The following SLC9A9 variants were observed in gnomAD, a reference collection of about 807,000 sequenced individuals.
SLC9A9 encodes solute carrier family 9 member A9.
A neutral mutation model predicts 77.8 loss-of-function variants in SLC9A9; 62 were observed. The observed-to-expected ratio is 0.80, with a 90% CI of 0.65 to 0.98. The LOEUF (loss-of-function observed/expected upper bound fraction) is 0.98, where lower values mean the gene tolerates loss of function less well. SLC9A9 is among the 50% of genes least tolerant of loss of function. SLC9A9 has a pLI of 0.00. For missense variants in SLC9A9, 775 were observed against 774.9 expected (o/e 1.00, Z 0.00); for synonymous variants, 320 against 283.5 (o/e 1.13, Z -1.29).
At chr3:143,775,447 T>A (rs188001050) in intron 4 of SLC9A9, among the ~76,000 whole-genome samples, 45 of 152,344 alleles carry the variant, frequency 3.0e-4, no homozygotes, top group Admixed American at 2.9e-3. Flanking sequence ...TCATGTACTT[T>A]CCCTTAGATT....
intron 14 of SLC9A9, among the ~76,000 whole-genome samples, chr3:143,312,271 G>A (rs1219156373): frequency 1.3e-5 from 2 of 152,314 alleles, no homozygotes; most frequent in East Asian, 3.9e-4. Flanking sequence ...AAACTTTGGT[G>A]GAAAAACAAG....
intron 14 of SLC9A9, among the ~76,000 whole-genome samples, chr3:143,281,125 G>A (rs1938205231): frequency 6.6e-6 from 1 of 152,176 alleles, no homozygotes; most frequent in Admixed American, 6.5e-5. Context: ...CTGAAACACA[G>A]GAAGCCAGCA....
chr3:143,617,212 G>A (rs1393362892), intron 6 of SLC9A9, among the ~76,000 whole-genome samples: 1 of 152,166 alleles, frequency 6.6e-6, no homozygotes, highest in East Asian at 1.9e-4. Context: ...CTTTGATTAG[G>A]CAAGAGTCAG....
At chr3:143,520,722 G>T (rs2036282261) in intron 9 of SLC9A9, among the ~76,000 whole-genome samples, 1 of 152,066 alleles carries the variant, frequency 6.6e-6, no homozygotes, top group Non-Finnish European at 1.5e-5. Flanking sequence ...ATGGATCAGG[G>T]ATCTGAACCC....
intron 7 of SLC9A9, among the ~76,000 whole-genome samples, chr3:143,576,256 A>ACCTT (rs1420830672): frequency 6.6e-6 from 1 of 152,244 alleles, no homozygotes; most frequent in African/African-American, 2.4e-5. Context: ...TTGGGATAGT[A>ACCTT]ACAGTATCTA....
intron 12 of SLC9A9, among the ~76,000 whole-genome samples, chr3:143,453,817 GT>G (rs749899235): frequency 5.9e-5 from 9 of 152,126 alleles, no homozygotes; most frequent in Non-Finnish European, 1.2e-4. Flanking sequence ...TGGTTTGAAT[GT>G]TTTTTGTCCC....
At chr3:143,415,849 T>C (rs2034182824) in intron 12 of SLC9A9, among the ~76,000 whole-genome samples, 1 of 152,224 alleles carries the variant, frequency 6.6e-6, no homozygotes, top group Non-Finnish European at 1.5e-5. Flanking sequence ...CCTCTATCTC[T>C]ATCTGGGCAA....
At chr3:143,697,185 T>C (rs1194230221) in intron 4 of SLC9A9, among the ~76,000 whole-genome samples, 1 of 151,682 alleles carries the variant, frequency 6.6e-6, no homozygotes, top group Non-Finnish European at 1.5e-5. Flanking sequence ...AAGTGATATA[T>C]AAAATAAAGT....
At chr3:143,329,721 T>C (rs2031708163) in intron 14 of SLC9A9, among the ~76,000 whole-genome samples, 1 of 152,152 alleles carries the variant, frequency 6.6e-6, no homozygotes, top group East Asian at 1.9e-4. Flanking sequence ...TTCCTCCTTT[T>C]GGAGGCTGCT....
intron 12 of SLC9A9, among the ~76,000 whole-genome samples, chr3:143,438,843 C>T (rs560326806): frequency 6.6e-6 from 1 of 152,266 alleles, no homozygotes; most frequent in Admixed American, 6.5e-5. Flanking sequence ...AGCCACACCC[C>T]ACCAACTCCA....
At chr3:143,519,791 GA>G (rs1198732739) in intron 9 of SLC9A9, among the ~76,000 whole-genome samples, 2 of 152,116 alleles carry the variant, frequency 1.3e-5, no homozygotes, top group Non-Finnish European at 2.9e-5. Flanking sequence ...AGGATTTTTT[GA>G]AGGACCAAAG....
intron 6 of SLC9A9, among the ~76,000 whole-genome samples, chr3:143,592,061 C>T (rs981580901): frequency 1.3e-5 from 2 of 152,190 alleles, no homozygotes; most frequent in Non-Finnish European, 2.9e-5. Context: ...CTTTCATCAC[C>T]TTCTCTATGT....
intron 5 of SLC9A9, among the ~76,000 whole-genome samples, chr3:143,656,292 G>T (rs774790198): frequency 3.3e-5 from 5 of 152,050 alleles, no homozygotes; most frequent in Non-Finnish European, 5.9e-5. Context: ...CATACCAAGG[G>T]TCTTTTCCCC....
chr3:143,743,098 C>T (rs2108818054), intron 4 of SLC9A9, among the ~76,000 whole-genome samples: 1 of 151,998 alleles, frequency 6.6e-6, no homozygotes, highest in East Asian at 1.9e-4. Context: ...TTCCAGAACC[C>T]ATGACCCAGG....
At chr3:143,789,292 C>T (rs151165270) in intron 4 of SLC9A9, among the ~76,000 whole-genome samples, 46 of 152,302 alleles carry the variant, frequency 3.0e-4, no homozygotes, top group Non-Finnish European at 4.0e-4. Context: ...TTCTCACCGT[C>T]CTGACTTTCT....
chr3:143,394,585 T>C (rs1297915832), intron 12 of SLC9A9, among the ~76,000 whole-genome samples: 1 of 152,102 alleles, frequency 6.6e-6, no homozygotes, highest in Non-Finnish European at 1.5e-5. Flanking sequence ...TCAACACAGG[T>C]TGGAAGTTCT....
intron 13 of SLC9A9, among the ~76,000 whole-genome samples, chr3:143,374,196 T>C (rs1472722126): frequency 1.3e-5 from 2 of 151,326 alleles, no homozygotes; most frequent in African/African-American, 2.4e-5. Context: ...GAGGCCGAGG[T>C]GGGCGGATCA....
At chr3:143,790,076 GT>G (rs2008172443) in intron 4 of SLC9A9, among the ~76,000 whole-genome samples, 1 of 152,040 alleles carries the variant, frequency 6.6e-6, no homozygotes, top group African/African-American at 2.4e-5. Flanking sequence ...ACCCCATGCT[GT>G]TCTTATGATA....
intron 12 of SLC9A9, among the ~76,000 whole-genome samples, chr3:143,386,718 T>G (rs1361412869): frequency 6.6e-6 from 1 of 152,192 alleles, no homozygotes; most frequent in African/African-American, 2.4e-5. Context: ...TTTGAATATA[T>G]AGCAACCACC....
Sources: gnomAD v4.1 joint callset for allele counts (sites outside exome capture counted in the v4.1 genomes callset) on GRCh38, gnomAD v4.1.1 for gene constraint, MANE v1.5 for transcripts, NCBI Gene and HGNC (gene_info 2026-07-23, HGNC 2026-07-21) for gene names.